The following ANO10 variants were observed in gnomAD, a reference collection of about 807,000 sequenced individuals.
The protein encoded by ANO10 is anoctamin-10.
A neutral mutation model predicts 74.7 loss-of-function variants in ANO10; 77 were observed. That is an observed-to-expected ratio of 1.03 (90% CI 0.86 to 1.25). ANO10 has a LOEUF of 1.25. ANO10 is among the 50% of genes most tolerant of loss of function. The probability of loss-of-function intolerance (pLI) is 0.00; values close to 1 mark genes in which losing one functional copy is unlikely to be tolerated. For missense variants in ANO10, 721 were observed against 778.1 expected, an observed-to-expected ratio of 0.93 and a Z score of 0.87; for synonymous variants, 279 against 284.9, an observed-to-expected ratio of 0.98 and a Z score of 0.21.
intron 1 of ANO10, among the ~76,000 whole-genome samples, chr3:43,643,683 CTTTT>C (rs61487906): frequency 1.9e-5 from 2 of 104,720 alleles, no homozygotes; most frequent in Non-Finnish European, 3.8e-5. Context: ...CTCATCTTTT[CTTTT>C]TTTTTTTTTT....
At chr3:43,651,453 C>T (rs899465833) in intron 1 of ANO10, among the ~76,000 whole-genome samples, 2 of 152,026 alleles carry the variant, frequency 1.3e-5, no homozygotes, top group African/African-American at 4.8e-5. Context: ...ATGCTGTTCC[C>T]GTGGTACATG....
At chr3:43,398,887 G>A (rs991835883) in intron 12 of ANO10, among the ~76,000 whole-genome samples, 1 of 152,174 alleles carries the variant, frequency 6.6e-6, no homozygotes, top group African/African-American at 2.4e-5. Flanking sequence ...GGAGTGAAGT[G>A]GCTCAATCTT....
chr3:43,548,737 TG>T (rs1418255390), intron 11 of ANO10, among the ~76,000 whole-genome samples: 1 of 152,202 alleles, frequency 6.6e-6, no homozygotes, highest in Non-Finnish European at 1.5e-5. Flanking sequence ...AAATGAAAGG[TG>T]GTTACAATAT....
At chr3:43,527,942 G>A (rs978831842) in intron 11 of ANO10, among the ~76,000 whole-genome samples, 2 of 152,096 alleles carry the variant, frequency 1.3e-5, no homozygotes, top group Non-Finnish European at 2.9e-5. Flanking sequence ...AAAGATTTAC[G>A]GAAGGCTCAG....
At chr3:43,526,863 C>A (rs534385900) in intron 11 of ANO10, among the ~76,000 whole-genome samples, 1 of 115,750 alleles carries the variant, frequency 8.6e-6, no homozygotes, top group Admixed American at 9.2e-5. Context: ...CCCTTAAGTT[C>A]TCTTAGGGTC....
intron 1 of ANO10, among the ~76,000 whole-genome samples, chr3:43,621,085 T>G (rs1357413093): frequency 6.6e-6 from 1 of 152,152 alleles, no homozygotes; most frequent in African/African-American, 2.4e-5. Context: ...TCCGCAGGAT[T>G]TAAGGCAATA....
intron 11 of ANO10, among the ~76,000 whole-genome samples, chr3:43,510,423 C>T (rs1312232280): frequency 1.0e-5 from 1 of 100,406 alleles, no homozygotes; most frequent in Non-Finnish European, 2.1e-5. Flanking sequence ...AATAGTGAAA[C>T]TCTGTCTCAA....
intron 12 of ANO10, among the ~76,000 whole-genome samples, chr3:43,393,541 G>A (rs1186579084): frequency 6.6e-6 from 1 of 152,022 alleles, no homozygotes; most frequent in Non-Finnish European, 1.5e-5. Flanking sequence ...GTGGCTTCCT[G>A]GGCTTTTGGG....
At chr3:43,565,751 G>C (rs767227447) in intron 7 of ANO10, 24 bp from the exon 8 acceptor site, 1 of 1,126,730 alleles carries the variant, frequency 8.9e-7, no homozygotes, top group East Asian at 2.7e-5. Context: ...AAAAAAAAAA[G>C]ATAAGTGTTA....
rs140183248 is a variant in ANO10, at chr3:43,484,119, G to C, written c.1798-51392C>G. ...CCTGGGTTTTTTGTTTGTTTGTAGAGATGGGGTTTCACCATGTTGCCCAGG... is the reference window on the plus strand; with the variant it reads ...CCTGGGTTTTTTGTTTGTTTGTAGACATGGGGTTTCACCATGTTGCCCAGG... On this transcript the variant is annotated intron_variant, in intron 11 of 12. Transcript: ENST00000292246. Among the ~76,000 whole-genome samples, 427 of 152,136 alleles carry C rather than the reference G, an allele frequency of 2.8e-3. 2 individuals carry two copies. Among genetic ancestry groups the C allele is most frequent in the Non-Finnish European group, 4.3e-3 (291 of 67,992 alleles).
At chr3:43,458,899 A>C (rs2075259651) in intron 11 of ANO10, among the ~76,000 whole-genome samples, 4 of 152,200 alleles carry the variant, frequency 2.6e-5, no homozygotes, top group Middle Eastern at 6.8e-3. Context: ...ATGAGTGAGA[A>C]TATGTGGTGT....
chr3:43,666,585 A>G (rs901854644), intron 1 of ANO10, among the ~76,000 whole-genome samples: 6 of 152,176 alleles, frequency 3.9e-5, no homozygotes, highest in African/African-American at 9.7e-5. Flanking sequence ...ATATCTATCA[A>G]TCAATCATAG....
Position 43,530,456 on chromosome 3 carries a change from T to C in ANO10, c.1797+19264A>G, listed in dbSNP as rs114418046. ...TATTATATATATTTTATATATGGTA[T>C]ATATAAACTATAAAGGTTTTCTATA... On this transcript the variant is annotated intron_variant, in intron 11 of 12. Coordinates refer to ENST00000292246, the MANE Select transcript of ANO10 (RefSeq NM_018075.5). Among the ~76,000 whole-genome samples the C allele has an allele frequency of 4.8e-3, 714 of 149,356 alleles. 5 individuals are homozygous for C. Among genetic ancestry groups the C allele is most frequent in the African/African-American group, 0.017 (686 of 41,036 alleles).
intron 1 of ANO10, among the ~76,000 whole-genome samples, chr3:43,620,941 ATTT>A (rs2083364377): frequency 6.6e-6 from 1 of 152,204 alleles, no homozygotes; most frequent in African/African-American, 2.4e-5. Context: ...TCCATAGCGA[ATTT>A]TAAACTGTTT....
At chr3:43,572,435 C>T (rs999500481) in intron 7 of ANO10, among the ~76,000 whole-genome samples, 2 of 152,184 alleles carry the variant, frequency 1.3e-5, no homozygotes, top group Non-Finnish European at 2.9e-5. Flanking sequence ...GCCCCTGCCA[C>T]AAGGGCCTGA....
intron 12 of ANO10, among the ~76,000 whole-genome samples, chr3:43,416,680 G>C (rs2092743756): frequency 6.6e-6 from 1 of 152,106 alleles, no homozygotes; most frequent in African/African-American, 2.4e-5. Flanking sequence ...AATTACCAAG[G>C]ACATCTGGTT....
intron 12 of ANO10, among the ~76,000 whole-genome samples, chr3:43,392,781 C>A (rs1277534972): frequency 6.6e-6 from 1 of 152,112 alleles, no homozygotes; most frequent in Admixed American, 6.5e-5. Context: ...TCTTTTCCAG[C>A]CAAATGCATT....
At chr3:43,484,987 G>A in intron 11 of ANO10, 2 of 1,432,462 alleles carry the variant, frequency 1.4e-6, no homozygotes, top group Non-Finnish European at 9.5e-7. Flanking sequence ...AGAAGGTGTT[G>A]GGCCTCTTGG....
intron 8 of ANO10, among the ~76,000 whole-genome samples, chr3:43,562,046 C>T (rs1179239778): frequency 2.0e-5 from 3 of 152,094 alleles, no homozygotes; most frequent in African/African-American, 7.2e-5. Context: ...CACATATTTA[C>T]AGTCAACTGA....
Sources: gnomAD v4.1 joint callset for allele counts (sites outside exome capture counted in the v4.1 genomes callset) on GRCh38, gnomAD v4.1.1 for gene constraint, MANE v1.5 for transcripts, NCBI Gene and HGNC (gene_info 2026-07-23, HGNC 2026-07-21) for gene names.